The following LRBA variants were observed in gnomAD, a reference collection of about 807,000 sequenced individuals.
LRBA encodes the protein LPS responsive beige-like anchor protein, also known as lipopolysaccharide-responsive and beige-like anchor protein.
In LRBA, 176 loss-of-function variants were observed where a neutral mutation model predicts 330.0. The observed-to-expected ratio is 0.53, with a 90% CI of 0.47 to 0.60. The LOEUF (loss-of-function observed/expected upper bound fraction) is 0.60, where lower values mean the gene tolerates loss of function less well. LRBA is among the 20% of genes least tolerant of loss of function. LRBA has a pLI of 0.00. For synonymous variants in LRBA, 1,230 were observed against 1,193.0 expected, an observed-to-expected ratio of 1.03 and a Z score of -0.64; for missense variants, 3,259 against 3,444.8, an observed-to-expected ratio of 0.95 and a Z score of 1.35.
At chr4:150,622,014 G>T (rs966896347) in intron 37 of LRBA, among the ~76,000 whole-genome samples, 1 of 152,132 alleles carries the variant, frequency 6.6e-6, no homozygotes, top group African/African-American at 2.4e-5. Flanking sequence ...AAGAAGTAAG[G>T]GTAAATTAAA....
At chr4:150,999,581 GTTTCCTCTAAGATAGTAAAATTCTGGGA>G (rs1194838679) in intron 2 of LRBA, among the ~76,000 whole-genome samples, 1 of 151,736 alleles carries the variant, frequency 6.6e-6, no homozygotes, top group Non-Finnish European at 1.5e-5. Flanking sequence ...TTATTTTTAA[GTTTCCTCTAAGATAGTAAAATTCTGGGA>G]TTTCCTCTAA....
chr4:150,394,298 C>A (rs965997755), intron 47 of LRBA, among the ~76,000 whole-genome samples: 1 of 152,064 alleles, frequency 6.6e-6, no homozygotes, highest in African/African-American at 2.4e-5. Context: ...AGTATGAATG[C>A]ATATTCATTC....
intron 37 of LRBA, among the ~76,000 whole-genome samples, chr4:150,644,744 G>T (rs928051087): frequency 3.3e-5 from 5 of 151,720 alleles, no homozygotes; most frequent in Admixed American, 3.3e-4. Context: ...ATAACTATAC[G>T]GATGATTTTT....
intron 36 of LRBA, among the ~76,000 whole-genome samples, chr4:150,728,876 A>G (rs1730063129): frequency 6.6e-6 from 1 of 152,186 alleles, no homozygotes; most frequent in Non-Finnish European, 1.5e-5. Flanking sequence ...AAGGAGATAA[A>G]GAGCATTTAA....
intron 40 of LRBA, among the ~76,000 whole-genome samples, chr4:150,530,130 A>T (rs1763904304): frequency 6.6e-6 from 1 of 152,180 alleles, no homozygotes; most frequent in African/African-American, 2.4e-5. Flanking sequence ...TGTCATATAT[A>T]CTCTTCATGG....
At chr4:150,724,607 C>A (rs766528630) in intron 36 of LRBA, among the ~76,000 whole-genome samples, 1 of 151,912 alleles carries the variant, frequency 6.6e-6, no homozygotes, top group Non-Finnish European at 1.5e-5. Context: ...CCAATTCTGA[C>A]GAAACAGAGA....
chr4:150,689,127 C>T (rs1452287636), intron 36 of LRBA, among the ~76,000 whole-genome samples: 1 of 152,056 alleles, frequency 6.6e-6, no homozygotes, highest in African/African-American at 2.4e-5. Flanking sequence ...TACTGTGCAG[C>T]CATAAAAAAG....
intron 47 of LRBA, among the ~76,000 whole-genome samples, chr4:150,409,992 T>C (rs1674648866): frequency 6.6e-6 from 1 of 152,126 alleles, no homozygotes; most frequent in African/African-American, 2.4e-5. Context: ...CCACGGCTGT[T>C]TACATTCTTG....
intron 37 of LRBA, among the ~76,000 whole-genome samples, chr4:150,639,859 ATATATATATATAT>A (rs1778488980): frequency 1.3e-5 from 1 of 79,216 alleles, no homozygotes; most frequent in Non-Finnish European, 2.4e-5. Flanking sequence ...ATATATATAT[ATATATATATATAT>A]TTAGATGGAG....
intron 40 of LRBA, among the ~76,000 whole-genome samples, chr4:150,556,971 A>C (rs1371479890): frequency 6.6e-6 from 1 of 152,182 alleles, no homozygotes; most frequent in Non-Finnish European, 1.5e-5. Flanking sequence ...AATTAAAAGG[A>C]CGTTTGTTAT....
chr4:150,375,030 C>G (rs949840828), intron 47 of LRBA, among the ~76,000 whole-genome samples: 5 of 152,112 alleles, frequency 3.3e-5, no homozygotes, highest in Admixed American at 2.6e-4. Flanking sequence ...TTTTGAGAAA[C>G]CTGCAGGCTT....
chr4:150,867,103 G>A (rs1419636042), intron 22 of LRBA, among the ~76,000 whole-genome samples: 22 of 141,074 alleles, frequency 1.6e-4, no homozygotes, highest in Non-Finnish European at 3.0e-4. Context: ...AACTTACTTT[G>A]GCTTAATTTA....
intron 37 of LRBA, among the ~76,000 whole-genome samples, chr4:150,615,070 T>C (rs1248023400): frequency 2.0e-5 from 3 of 152,180 alleles, no homozygotes; most frequent in Non-Finnish European, 4.4e-5. Context: ...AAGGTGTCAG[T>C]TATGCAGATA....
At chr4:150,532,224 A>C (rs1764124352) in intron 40 of LRBA, among the ~76,000 whole-genome samples, 1 of 152,126 alleles carries the variant, frequency 6.6e-6, no homozygotes. Context: ...TTATCCTTGT[A>C]CTCATCTAGT....
chr4:151,004,711 C>T (rs570256799), intron 2 of LRBA, among the ~76,000 whole-genome samples: 6 of 152,284 alleles, frequency 3.9e-5, no homozygotes, highest in Admixed American at 6.5e-5. Flanking sequence ...AACGGCTGGG[C>T]GCGGTGGCTC....
intron 37 of LRBA, among the ~76,000 whole-genome samples, chr4:150,678,254 A>G (rs1488474875): frequency 6.6e-6 from 1 of 151,990 alleles, no homozygotes; most frequent in African/African-American, 2.4e-5. Context: ...GAAAAAAAAA[A>G]AAAAAGAAAG....
chr4:150,801,230 A>G (rs367980773), intron 33 of LRBA, among the ~76,000 whole-genome samples: 37 of 152,346 alleles, frequency 2.4e-4, no homozygotes, highest in Middle Eastern at 6.8e-3. Flanking sequence ...GAAGGTATAT[A>G]CATATACTCC....
chr4:150,763,478 T>C (rs887229741), intron 34 of LRBA, among the ~76,000 whole-genome samples: 7 of 151,786 alleles, frequency 4.6e-5, no homozygotes, highest in African/African-American at 1.7e-4. Flanking sequence ...TCCAGCGAGG[T>C]AAAACAAACC....
chr4:150,368,366 T>C (rs964786868), intron 47 of LRBA, among the ~76,000 whole-genome samples: 2 of 152,192 alleles, frequency 1.3e-5, no homozygotes, highest in Admixed American at 1.3e-4. Flanking sequence ...ACTACAATTT[T>C]TTAGAAAATG....
Sources: allele counts gnomAD v4.1 joint callset (sites outside exome capture counted in the v4.1 genomes callset), GRCh38; gene constraint gnomAD v4.1.1; transcripts MANE v1.5; gene names NCBI Gene and HGNC (gene_info 2026-07-23, HGNC 2026-07-21).